Variants in DACH2 observed in about 807,000 individuals in gnomAD.
DACH2 encodes the protein dachshund family transcription factor 2.
In DACH2, 17 loss-of-function variants were observed where a neutral mutation model predicts 35.8. That is an observed-to-expected ratio of 0.48 (90% CI 0.33 to 0.71). The LOEUF is 0.71. Among genes scored for constraint, DACH2 ranks in the 30% least tolerant of loss-of-function variants. The probability of loss-of-function intolerance (pLI) is 0.02; values close to 1 mark genes in which losing one functional copy is unlikely to be tolerated. For synonymous variants in DACH2, 195 were observed against 177.3 expected, an observed-to-expected ratio of 1.10 and a Z score of -0.79; for missense variants, 469 against 472.7, an observed-to-expected ratio of 0.99 and a Z score of 0.07.
chrX:86,290,979 A>T (rs1022259412), intron 1 of DACH2, among the ~76,000 whole-genome samples: 2 of 108,935 alleles, frequency 1.8e-5, no homozygotes, highest in Admixed American at 2.0e-4. Context: ...TGGTAGCTTG[A>T]TGGGGATGGT....
intron 6 of DACH2, among the ~76,000 whole-genome samples, chrX:86,733,511 ATCC>A (rs1276186115): frequency 1.8e-5 from 2 of 111,739 alleles, no homozygotes; most frequent in Non-Finnish European, 3.8e-5. Context: ...AAGACTATTA[ATCC>A]TTCAATTATA....
rs1159497436 is a variant in DACH2, at chrX:86,769,773, T to G, written c.1240+29891T>G. On this transcript the variant is annotated intron_variant, in intron 7 of 11. Transcript: ENST00000373125. The stretch of plus-strand genomic sequence containing the variant: ...AGTTATTTCACCTTAAAAGTCACGT[T>G]TATTATTTTAATGACAAAATGCTGT... 4.5e-5 allele frequency among the ~76,000 whole-genome samples: 5 copies of G among 111,030 alleles called. No homozygotes were observed. In the Admixed American group the frequency reaches 4.8e-4, roughly 11 times the overall value.
At chrX:86,312,007 G>A (rs1315892694) in intron 1 of DACH2, among the ~76,000 whole-genome samples, 2 of 111,139 alleles carry the variant, frequency 1.8e-5, no homozygotes, top group Non-Finnish European at 3.8e-5. Context: ...CAGGAATGAA[G>A]GTTTAGGTCA....
chrX:86,700,568 G>GA (rs2041130394), intron 5 of DACH2, among the ~76,000 whole-genome samples: 2 of 107,199 alleles, frequency 1.9e-5, no homozygotes, highest in South Asian at 4.0e-4. Flanking sequence ...TTTGTTCTTT[G>GA]AAAAAAATAA....
At chrX:86,551,963 A>G (rs900254498) in intron 3 of DACH2, among the ~76,000 whole-genome samples, 1 of 111,511 alleles carries the variant, frequency 9.0e-6, no homozygotes. Context: ...TTTTCCTGAG[A>G]TATTTTTGGT....
intron 7 of DACH2, among the ~76,000 whole-genome samples, chrX:86,765,354 A>T (rs1362551321): frequency 1.8e-5 from 2 of 111,386 alleles, no homozygotes; most frequent in Non-Finnish European, 3.8e-5. Flanking sequence ...TAGGATTTTC[A>T]TATTTTGAGG....
At chrX:86,286,340 C>T (rs183407412) in intron 1 of DACH2, among the ~76,000 whole-genome samples, 275 of 109,630 alleles carry the variant, frequency 2.5e-3, no homozygotes, top group African/African-American at 8.7e-3. Context: ...CCTTGTTAGC[C>T]AGGTTGGTCT....
chrX:86,650,159 A>G (rs917337417), intron 3 of DACH2, among the ~76,000 whole-genome samples: 4 of 110,664 alleles, frequency 3.6e-5, no homozygotes, highest in Admixed American at 2.0e-4. Flanking sequence ...TTGCATATTC[A>G]CTTTTTAATC....
intron 1 of DACH2, among the ~76,000 whole-genome samples, chrX:86,365,335 G>GT (rs758043840): frequency 1.7e-3 from 109 of 65,335 alleles, no homozygotes; most frequent in African/African-American, 5.0e-3. Flanking sequence ...AAACTTGCAT[G>GT]TAAAAAAAAA....
chrX:86,638,385 AAAC>A (rs1290440717), intron 3 of DACH2, among the ~76,000 whole-genome samples: 1 of 112,272 alleles, frequency 8.9e-6, no homozygotes, highest in Non-Finnish European at 1.9e-5. Flanking sequence ...TCAAAAGCAC[AAAC>A]AACAAAAACA....
At chrX:86,525,415 G>T (rs1300282872) in intron 3 of DACH2, among the ~76,000 whole-genome samples, 1 of 111,161 alleles carries the variant, frequency 9.0e-6, no homozygotes, top group Non-Finnish European at 1.9e-5. Context: ...TACATGTGGG[G>T]CAGCTAGTAT....
chrX:86,579,068 T>C (rs1241411916), intron 3 of DACH2, among the ~76,000 whole-genome samples: 1 of 111,047 alleles, frequency 9.0e-6, no homozygotes, highest in Non-Finnish European at 1.9e-5. Context: ...AGTATGAGTA[T>C]GTGTTCAAGT....
chrX:86,556,795 T>TATATATAGAG (rs1232719385), intron 3 of DACH2, among the ~76,000 whole-genome samples: 20 of 25,276 alleles, frequency 7.9e-4, no homozygotes, highest in Admixed American at 1.4e-3. Context: ...TATATATATA[T>TATATATAGAG]AGAGAGAGAG....
intron 4 of DACH2, among the ~76,000 whole-genome samples, chrX:86,679,709 T>A (rs2040860019): frequency 9.2e-6 from 1 of 108,359 alleles, no homozygotes; most frequent in African/African-American, 3.4e-5. Flanking sequence ...GAAACAAGTC[T>A]GTAAATTGGC....
chrX:86,316,577 C>A (rs2034911383), intron 1 of DACH2, among the ~76,000 whole-genome samples: 2 of 111,594 alleles, frequency 1.8e-5, no homozygotes, highest in African/African-American at 3.3e-5. Flanking sequence ...TCTTCTACAA[C>A]TTATTTCTCC....
At chrX:86,222,900 G>C (rs979261059) in intron 1 of DACH2, among the ~76,000 whole-genome samples, 2 of 110,615 alleles carry the variant, frequency 1.8e-5, no homozygotes, top group Non-Finnish European at 3.8e-5. Flanking sequence ...ATTAGTAAGG[G>C]CCAAAGTTGA....
intron 2 of DACH2, among the ~76,000 whole-genome samples, chrX:86,486,254 C>CT (rs1218624125): frequency 9.0e-6 from 1 of 110,869 alleles, no homozygotes; most frequent in Non-Finnish European, 1.9e-5. Context: ...CTAAGGATCC[C>CT]TTTTTTTTCT....
chrX:86,680,358 A>T (rs5923589), intron 4 of DACH2, among the ~76,000 whole-genome samples: 34,092 of 111,145 alleles, frequency 0.31, 4,270 homozygotes, highest in Middle Eastern at 0.44. Flanking sequence ...CTGCAGCTAA[A>T]CTATTAATGT....
At chrX:86,207,233 G>A (rs1057433472) in intron 1 of DACH2, among the ~76,000 whole-genome samples, 7 of 111,391 alleles carry the variant, frequency 6.3e-5, no homozygotes, top group East Asian at 2.8e-4. Context: ...CCACTCTTCC[G>A]TCTCTGTTGC....
Sources: gnomAD v4.1 joint callset for allele counts (sites outside exome capture counted in the v4.1 genomes callset) on GRCh38, gnomAD v4.1.1 for gene constraint, MANE v1.5 for transcripts, NCBI Gene and HGNC (gene_info 2026-07-23, HGNC 2026-07-21) for gene names.